SPECC1: variants seen among roughly 807,000 people sequenced by gnomAD.
The protein encoded by SPECC1 is sperm antigen with calponin homology and coiled-coil domains 1.
In SPECC1, 62 loss-of-function variants were observed where a neutral mutation model predicts 104.1. The ratio of observed to expected loss-of-function variants is 0.60; its 90% confidence interval spans 0.49 to 0.74. The LOEUF (loss-of-function observed/expected upper bound fraction) is 0.74, where lower values mean the gene tolerates loss of function less well. Among genes scored for constraint, SPECC1 ranks in the 30% least tolerant of loss-of-function variants. SPECC1 has a pLI of 0.00. For missense variants in SPECC1, 1,306 were observed against 1,310.5 expected (o/e 1.00, Z 0.05); for synonymous variants, 513 against 501.6 (o/e 1.02, Z -0.30).
At chr17:20,060,413 G>A (rs2046141256) in intron 1 of SPECC1, among the ~76,000 whole-genome samples, 1 of 152,160 alleles carries the variant, frequency 6.6e-6, no homozygotes, top group Non-Finnish European at 1.5e-5. Context: ...TTGGGAAGCT[G>A]AGGCAGGAGG....
chr17:20,021,941 A>T (rs2044406483), intron 1 of SPECC1, among the ~76,000 whole-genome samples: 1 of 149,186 alleles, frequency 6.7e-6, no homozygotes, highest in Admixed American at 6.7e-5. Context: ...TTATAATTAT[A>T]ATTATTATTA....
At chr17:20,079,805 C>T (rs907690321) in intron 1 of SPECC1, among the ~76,000 whole-genome samples, 1 of 152,136 alleles carries the variant, frequency 6.6e-6, no homozygotes, top group Non-Finnish European at 1.5e-5. Context: ...GTGATGGTGG[C>T]TGCGAAGCTG....
intron 12 of SPECC1, among the ~76,000 whole-genome samples, chr17:20,264,514 C>T (rs1256839525): frequency 8.3e-6 from 1 of 121,148 alleles, no homozygotes; most frequent in Non-Finnish European, 1.6e-5. Flanking sequence ...CTCTGTCACC[C>T]AGTCTGGGGT....
Position 20,315,396 on chromosome 17 carries a change from C to G in SPECC1, c.*1331C>G, listed in dbSNP as rs1228232204. The G allele has an allele frequency of 8.6e-6, 2 of 232,782 alleles. No homozygotes were observed. 14.4% of individuals were successfully genotyped at this position (232,782 alleles called of 1,614,324 possible). On this transcript the variant is annotated 3_prime_UTR_variant, in exon 15 of 15. Transcript: ENST00000395527. The stretch of plus-strand genomic sequence containing the variant: ...TCCCTCAGAAGTGCTCAGTCCGGCC[C>G]GAGTGCCCATCTGGTGGCTCTGCCG...
intron 3 of SPECC1, among the ~76,000 whole-genome samples, chr17:20,116,508 A>G (rs917419993): frequency 7.9e-5 from 12 of 152,334 alleles, no homozygotes; most frequent in African/African-American, 2.9e-4. Context: ...AAAAATCTTA[A>G]AACTCTTTTG....
intron 3 of SPECC1, among the ~76,000 whole-genome samples, chr17:20,195,059 G>T (rs1165928161): frequency 6.6e-6 from 1 of 152,150 alleles, no homozygotes. Context: ...TTTTTTATTG[G>T]TTCAGTGAAT....
intron 3 of SPECC1, among the ~76,000 whole-genome samples, chr17:20,185,979 A>G (rs755965965): frequency 2.6e-5 from 4 of 152,202 alleles, no homozygotes; most frequent in Non-Finnish European, 5.9e-5. Flanking sequence ...CTAGGACTAC[A>G]GGCGTGTGCC....
intron 2 of SPECC1, among the ~76,000 whole-genome samples, chr17:20,106,131 G>C (rs1277687191): frequency 6.6e-6 from 1 of 152,154 alleles, no homozygotes; most frequent in Non-Finnish European, 1.5e-5. Context: ...TAACCACTGT[G>C]ATTTCCCTTT....
intron 4 of SPECC1, among the ~76,000 whole-genome samples, chr17:20,208,575 C>T (rs1388406338): frequency 6.6e-6 from 1 of 152,210 alleles, no homozygotes; most frequent in African/African-American, 2.4e-5. Context: ...AAGGGTCTAA[C>T]ATGCTGGACT....
intron 5 of SPECC1, among the ~76,000 whole-genome samples, chr17:20,230,218 A>G (rs1030170645): frequency 9.9e-5 from 15 of 152,222 alleles, no homozygotes; most frequent in African/African-American, 2.4e-4. Context: ...CCTAGAGACA[A>G]TAGTTCGGTG....
intron 12 of SPECC1, among the ~76,000 whole-genome samples, chr17:20,266,968 G>A (rs1465285920): frequency 1.3e-5 from 2 of 152,144 alleles, no homozygotes; most frequent in Admixed American, 6.5e-5. Context: ...CACGGTGGTC[G>A]ACCCAGGTCA....
intron 13 of SPECC1, among the ~76,000 whole-genome samples, chr17:20,303,235 G>A (rs751498542): frequency 4.6e-5 from 7 of 152,208 alleles, no homozygotes; most frequent in Non-Finnish European, 1.0e-4. Flanking sequence ...GACCTCAATA[G>A]CACCAAAATA....
chr17:20,291,385 C>T (rs1039831169), intron 12 of SPECC1, among the ~76,000 whole-genome samples: 5 of 152,204 alleles, frequency 3.3e-5, no homozygotes, highest in African/African-American at 9.7e-5. Context: ...ATGGAGCTGG[C>T]GTTCTGGCCC....
intron 3 of SPECC1, among the ~76,000 whole-genome samples, chr17:20,170,554 G>GC (rs1418526123): frequency 6.6e-6 from 1 of 152,060 alleles, no homozygotes; most frequent in Non-Finnish European, 1.5e-5. Context: ...CTGGGACCTT[G>GC]CCCACCCTAC....
intron 3 of SPECC1, among the ~76,000 whole-genome samples, chr17:20,169,125 A>T (rs2151169871): frequency 6.6e-6 from 1 of 152,316 alleles, no homozygotes; most frequent in East Asian, 1.9e-4. Flanking sequence ...CACCCACCTC[A>T]GCCTCTCAAA....
intron 7 of SPECC1, chr17:20,237,126 A>G: frequency 7.2e-7 from 1 of 1,388,226 alleles, no homozygotes; most frequent in South Asian, 1.6e-5. Context: ...TTTTCCTCAG[A>G]AGATTGAGCT....
chr17:20,023,736 G>A (rs1022258812), intron 1 of SPECC1, among the ~76,000 whole-genome samples: 3 of 151,934 alleles, frequency 2.0e-5, no homozygotes, highest in South Asian at 2.1e-4. Flanking sequence ...AAATCCACAC[G>A]TGGAATCGTG....
At chr17:20,126,458 AT>A (rs2049311079) in intron 3 of SPECC1, 1 of 152,168 alleles carries the variant, frequency 6.6e-6, no homozygotes, top group Non-Finnish European at 1.5e-5. Flanking sequence ...TCTCTGCATC[AT>A]TCCAGTTTTG....
At chr17:20,021,709 TG>T (rs2044393561) in intron 1 of SPECC1, among the ~76,000 whole-genome samples, 3 of 144,216 alleles carry the variant, frequency 2.1e-5, no homozygotes, top group African/African-American at 7.8e-5. Flanking sequence ...TATATTTTTT[TG>T]TACTTTTAGT....
Sources: gnomAD v4.1 joint callset for allele counts (sites outside exome capture counted in the v4.1 genomes callset) on GRCh38, gnomAD v4.1.1 for gene constraint, MANE v1.5 for transcripts, NCBI Gene and HGNC (gene_info 2026-07-23, HGNC 2026-07-21) for gene names.